TMEM266: variants seen among roughly 807,000 people sequenced by gnomAD.
TMEM266 encodes transmembrane protein 266.
In TMEM266, 33 loss-of-function variants were observed where a neutral mutation model predicts 50.5. The observed-to-expected ratio is 0.65, with a 90% CI of 0.50 to 0.87. The LOEUF is 0.87. TMEM266 is among the 40% of genes least tolerant of loss of function. The probability of loss-of-function intolerance (pLI) is 0.00; values close to 1 mark genes in which losing one functional copy is unlikely to be tolerated. For synonymous variants in TMEM266, 310 were observed against 292.3 expected, an observed-to-expected ratio of 1.06 and a Z score of -0.62; for missense variants, 655 against 695.1, an observed-to-expected ratio of 0.94 and a Z score of 0.65.
chr15:76,182,023 T>C (rs943185646), intron 8 of TMEM266, among the ~76,000 whole-genome samples: 2 of 152,200 alleles, frequency 1.3e-5, no homozygotes, highest in African/African-American at 4.8e-5. Context: ...TACTGAGGGA[T>C]ATGAGGCTCA....
chr15:76,156,537 G>A (rs1371838938), intron 3 of TMEM266, 67 bp from the exon 4 acceptor site: 8 of 1,551,644 alleles, frequency 5.2e-6, no homozygotes, highest in Non-Finnish European at 7.0e-6. Flanking sequence ...GCAGGGCTTT[G>A]GCCGGGGTCC....
chr15:76,174,992 G>A (rs1314737687), intron 7 of TMEM266: 2 of 152,760 alleles, frequency 1.3e-5, no homozygotes, highest in Non-Finnish European at 1.5e-5. Flanking sequence ...GCTCATGTGC[G>A]AGTTTTGTGT....
chr15:76,123,645 C>T (rs998694194), intron 1 of TMEM266, among the ~76,000 whole-genome samples: 2 of 152,174 alleles, frequency 1.3e-5, no homozygotes, highest in Non-Finnish European at 2.9e-5. Context: ...TCCCTCCCTG[C>T]TTCTTCCTTG....
At chr15:76,193,349 T>G (rs1171945120) in intron 9 of TMEM266, among the ~76,000 whole-genome samples, 2 of 152,166 alleles carry the variant, frequency 1.3e-5, no homozygotes, top group Non-Finnish European at 2.9e-5. Context: ...GCCTCCTGAG[T>G]AGCTGGGATC....
At chr15:76,110,972 C>T (rs1460882454) in intron 1 of TMEM266, among the ~76,000 whole-genome samples, 2 of 152,178 alleles carry the variant, frequency 1.3e-5, no homozygotes, top group African/African-American at 4.8e-5. Context: ...AAATCCAGAG[C>T]ACCGACAACA....
intron 1 of TMEM266, among the ~76,000 whole-genome samples, chr15:76,072,707 G>T (rs555545596): frequency 2.6e-5 from 4 of 151,568 alleles, no homozygotes; most frequent in African/African-American, 9.7e-5. Flanking sequence ...GCATGATCTC[G>T]GCTTACTGCA....
At position 76,204,255 on chromosome 15, in the gene TMEM266, G is replaced by C. The variant is rs755781988; in HGVS notation, c.1536G>C (p.Glu512Asp). 1.2e-6 allele frequency: 2 copies of C among 1,613,822 alleles called. No homozygotes were observed. The highest frequency in any genetic ancestry group is 2.7e-5 in the African/African-American group (2 of 74,942). ...TCCAGCCCACTGTGCCCATGCTGGA[G>C]GACAAGTTCAGATCTTTGGAATCCA... The change falls in exon 11 of 11, where the codon GAG becomes GAC. Residue 512 changes from glutamate (E) to aspartate (D), a missense_variant. Physicochemically the swap from Glu to Asp is conservative, Grantham distance 45. This residue lies in a region of TMEM266 where 455 missense variants were observed against 401.8 expected (regional missense o/e 1.13). Transcript: ENST00000388942.
chr15:76,170,905 T>C, intron 6 of TMEM266, 88 bp from the exon 7 acceptor site: 1 of 1,470,474 alleles, frequency 6.8e-7, no homozygotes, highest in Non-Finnish European at 9.1e-7. Flanking sequence ...CTGGAAAAGT[T>C]GGGCAGCACC....
intron 10 of TMEM266, among the ~76,000 whole-genome samples, chr15:76,203,334 G>C (rs2142094003): frequency 6.6e-6 from 1 of 152,298 alleles, no homozygotes; most frequent in South Asian, 2.1e-4. Context: ...AGCCACAAAA[G>C]CCCACTGTAG....
intron 8 of TMEM266, among the ~76,000 whole-genome samples, chr15:76,176,991 G>T (rs1254695774): frequency 6.6e-6 from 1 of 152,196 alleles, no homozygotes; most frequent in Non-Finnish European, 1.5e-5. Context: ...CTTGGGTTTT[G>T]GTTGCGCTGT....
intron 10 of TMEM266, among the ~76,000 whole-genome samples, chr15:76,202,481 A>C (rs921661529): frequency 1.3e-5 from 2 of 152,224 alleles, no homozygotes; most frequent in African/African-American, 4.8e-5. Flanking sequence ...AGGTGCCAGG[A>C]TAGGGGTGCT....
Position 76,109,784 on chromosome 15 carries a change from A to G in TMEM266, c.-96-24384A>G, listed in dbSNP as rs572934151. Among the ~76,000 whole-genome samples, 5 of 146,180 alleles carry G rather than the reference A, an allele frequency of 3.4e-5. No homozygotes were observed. In the South Asian group the frequency reaches 8.5e-4, roughly 25 times the overall value. ...GAGTACAGTGGTGTGATCATGACTCACTGCAGCCTCAACTGCTGGGCTGAA... is the reference window on the plus strand; with the variant it reads ...GAGTACAGTGGTGTGATCATGACTCGCTGCAGCCTCAACTGCTGGGCTGAA... On this transcript the variant is annotated intron_variant, in intron 1 of 10. Transcript: ENST00000388942.
In TMEM266 at chr15:76,204,186, C is replaced by G; in HGVS notation, c.1467C>G (p.Asn489Lys). ...GGGTAAGTCTGTTCAACCAGAAGAA[C>G]CAGGAGGGCTTCACTGTCTTTCAGA... Residue 489 changes from asparagine (N) to lysine (K), a missense_variant, in exon 11 of 11, where the codon AAC (asparagine) becomes AAG (lysine). Coordinates refer to ENST00000388942, the MANE Select transcript of TMEM266 (RefSeq NM_152335.3). 6.2e-7 allele frequency: 1 copy of G among 1,613,854 alleles called. No homozygotes were observed. The highest frequency in any genetic ancestry group is 8.5e-7 in the Non-Finnish European group (1 of 1,180,020).
intron 1 of TMEM266, among the ~76,000 whole-genome samples, chr15:76,071,037 C>T (rs963908530): frequency 6.6e-6 from 1 of 152,184 alleles, no homozygotes; most frequent in African/African-American, 2.4e-5. Flanking sequence ...AAGCAACTTT[C>T]AGAGTCTTTT....
intron 3 of TMEM266, among the ~76,000 whole-genome samples, chr15:76,145,976 G>T (rs1005623553): frequency 6.6e-6 from 1 of 152,240 alleles, no homozygotes; most frequent in Non-Finnish European, 1.5e-5. Flanking sequence ...GAGGCTGTCA[G>T]TGAGGCTGTC....
chr15:76,154,116 C>T (rs1235033660), intron 3 of TMEM266, among the ~76,000 whole-genome samples: 2 of 152,238 alleles, frequency 1.3e-5, no homozygotes, highest in Non-Finnish European at 2.9e-5. Flanking sequence ...GACCCCTTGG[C>T]TCTTGAGTTT....
chr15:76,194,766 G>A (rs1201917461), intron 9 of TMEM266, among the ~76,000 whole-genome samples: 2 of 152,058 alleles, frequency 1.3e-5, no homozygotes, highest in Admixed American at 1.3e-4. Flanking sequence ...CACATGTCTG[G>A]GTCTAGATTT....
At chr15:76,074,233 G>C (rs2036574823) in intron 1 of TMEM266, among the ~76,000 whole-genome samples, 1 of 152,062 alleles carries the variant, frequency 6.6e-6, no homozygotes, top group African/African-American at 2.4e-5. Flanking sequence ...GCACGTATCT[G>C]TATATAAATG....
chr15:76,127,012 T>C (rs996410190), intron 1 of TMEM266, among the ~76,000 whole-genome samples: 9 of 152,242 alleles, frequency 5.9e-5, no homozygotes, highest in African/African-American at 1.4e-4. Flanking sequence ...GGTCTGTGAC[T>C]AATAATGGTT....
Sources: gnomAD v4.1 joint callset for allele counts (sites outside exome capture counted in the v4.1 genomes callset) on GRCh38, gnomAD v4.1.1 for gene constraint, gnomAD v4.1.1 regional missense constraint, MANE v1.5 for transcripts, NCBI Gene and HGNC (gene_info 2026-07-23, HGNC 2026-07-21) for gene names.